The following CAMKMT variants were observed in gnomAD, a reference collection of about 807,000 sequenced individuals.
CAMKMT encodes the protein calmodulin-lysine N-methyltransferase, also known as CaM KMT.
A neutral mutation model predicts 48.0 loss-of-function variants in CAMKMT; 53 were observed. The ratio of observed to expected loss-of-function variants is 1.10; its 90% CI spans 0.89 to 1.39. The LOEUF (loss-of-function observed/expected upper bound fraction) is 1.39, where lower values mean the gene tolerates loss of function less well. CAMKMT is among the 40% of genes most tolerant of loss of function. CAMKMT has a pLI of 0.00. For synonymous variants in CAMKMT, 165 were observed against 152.3 expected, an observed-to-expected ratio of 1.08 and a Z score of -0.61; for missense variants, 428 against 402.7, an observed-to-expected ratio of 1.06 and a Z score of -0.54.
At chr2:44,707,870 C>T (rs565168764) in intron 6 of CAMKMT, among the ~76,000 whole-genome samples, 2 of 152,258 alleles carry the variant, frequency 1.3e-5, no homozygotes, top group Non-Finnish European at 2.9e-5. Context: ...CATTTATACA[C>T]TTGATATTGT....
In CAMKMT at chr2:44,458,042, C is replaced by CTTTTT. The variant is rs541348745; in HGVS notation, c.376+67757_376+67761dup. ...GCATTAGGACTTTGTAGCTTTGTGA[C>CTTTTT]TTTTTTTTTTTTTTTTTTTTTTTTG... On this transcript the variant is annotated intron_variant, in intron 3 of 10. Transcript: ENST00000378494. Among the ~76,000 whole-genome samples the CTTTTT allele has an allele frequency of 1.3e-3, 99 of 75,404 alleles. 3 individuals carry two copies. Among genetic ancestry groups the CTTTTT allele is most frequent in the African/African-American group, 5.1e-3 (92 of 17,974 alleles). 49.5% of individuals were successfully genotyped at this position (75,404 alleles called of 152,430 possible).
intron 3 of CAMKMT, among the ~76,000 whole-genome samples, chr2:44,432,481 G>A (rs966553204): frequency 1.8e-4 from 28 of 152,170 alleles, no homozygotes; most frequent in Non-Finnish European, 7.4e-5. Flanking sequence ...GAATACTGGT[G>A]GGAGAAGAAA....
At chr2:44,736,678 A>T (rs191901419) in intron 7 of CAMKMT, among the ~76,000 whole-genome samples, 1 of 151,102 alleles carries the variant, frequency 6.6e-6, no homozygotes, top group Non-Finnish European at 1.5e-5. Flanking sequence ...CCCACAGCTC[A>T]CTCTTTATTT....
At chr2:44,735,780 G>A (rs563460502) in intron 7 of CAMKMT, among the ~76,000 whole-genome samples, 10 of 151,922 alleles carry the variant, frequency 6.6e-5, no homozygotes, top group Admixed American at 1.3e-4. Flanking sequence ...AGGCGTGGTC[G>A]TTGGTGCCTG....
chr2:44,723,701 C>T (rs1294104649), intron 7 of CAMKMT: 1 of 151,928 alleles, frequency 6.6e-6, no homozygotes, highest in Non-Finnish European at 1.5e-5. Context: ...CCACTTCCAT[C>T]CACTGTATTT....
intron 3 of CAMKMT, among the ~76,000 whole-genome samples, chr2:44,569,609 C>T (rs1353955679): frequency 6.6e-6 from 1 of 152,034 alleles, no homozygotes; most frequent in East Asian, 1.9e-4. Context: ...TCTCAGTGTC[C>T]TGTCTTTCTC....
chr2:44,402,537 G>C (rs1455343986), intron 3 of CAMKMT, among the ~76,000 whole-genome samples: 1 of 151,740 alleles, frequency 6.6e-6, no homozygotes, highest in African/African-American at 2.4e-5. Context: ...TTGTGTGGCT[G>C]TATTTTCAAA....
intron 3 of CAMKMT, among the ~76,000 whole-genome samples, chr2:44,445,527 C>G (rs1324931658): frequency 6.6e-6 from 1 of 151,962 alleles, no homozygotes; most frequent in Admixed American, 6.6e-5. Flanking sequence ...TGTCTCCATA[C>G]TACGGGACAT....
At chr2:44,701,282 C>G (rs529451605) in intron 3 of CAMKMT, among the ~76,000 whole-genome samples, 1 of 152,348 alleles carries the variant, frequency 6.6e-6, no homozygotes, top group Non-Finnish European at 1.5e-5. Context: ...CACATCCTCA[C>G]CAGCCCAACA....
chr2:44,697,001 G>T (rs994192920), intron 3 of CAMKMT, among the ~76,000 whole-genome samples: 1 of 152,024 alleles, frequency 6.6e-6, no homozygotes, highest in African/African-American at 2.4e-5. Context: ...AACAATAAGA[G>T]ATGCAAAGCA....
intron 7 of CAMKMT, among the ~76,000 whole-genome samples, chr2:44,716,756 C>G (rs1406057049): frequency 6.6e-6 from 1 of 152,116 alleles, no homozygotes; most frequent in East Asian, 1.9e-4. Flanking sequence ...TTTTAGTTAT[C>G]AATCAAAAGT....
At chr2:44,377,430 C>G (rs759011471) in intron 2 of CAMKMT, among the ~76,000 whole-genome samples, 6 of 152,104 alleles carry the variant, frequency 3.9e-5, no homozygotes, top group Non-Finnish European at 7.4e-5. Context: ...ATTTCCTTTT[C>G]CCTATCTCAT....
chr2:44,535,127 G>A (rs555080127), intron 3 of CAMKMT, among the ~76,000 whole-genome samples: 61 of 151,940 alleles, frequency 4.0e-4, no homozygotes, highest in African/African-American at 1.4e-3. Context: ...AACTGTATTC[G>A]AACAAACTTT....
chr2:44,367,159 T>A (rs1306017370), intron 1 of CAMKMT, among the ~76,000 whole-genome samples: 2 of 152,226 alleles, frequency 1.3e-5, no homozygotes, highest in Non-Finnish European at 2.9e-5. Context: ...AACTGTCCTT[T>A]TAACTGTAGG....
At chr2:44,723,102 C>T (rs970584222) in intron 7 of CAMKMT, among the ~76,000 whole-genome samples, 6 of 152,106 alleles carry the variant, frequency 3.9e-5, no homozygotes, top group African/African-American at 1.4e-4. Flanking sequence ...AAACTTTGTT[C>T]TCAGAATCAT....
intron 3 of CAMKMT, among the ~76,000 whole-genome samples, chr2:44,471,197 G>A (rs1012406849): frequency 1.3e-5 from 2 of 152,006 alleles, no homozygotes; most frequent in East Asian, 1.9e-4. Flanking sequence ...CACCATGTTG[G>A]CCAGGCTGGT....
At chr2:44,474,528 G>A (rs540378441) in intron 3 of CAMKMT, among the ~76,000 whole-genome samples, 36 of 152,050 alleles carry the variant, frequency 2.4e-4, no homozygotes, top group Admixed American at 7.9e-4. Context: ...GAGATAAAGA[G>A]GGAGAGCGAA....
intron 3 of CAMKMT, among the ~76,000 whole-genome samples, chr2:44,673,692 C>T (rs918867403): frequency 6.6e-6 from 1 of 151,430 alleles, no homozygotes; most frequent in Non-Finnish European, 1.5e-5. Flanking sequence ...AATAAAGGAG[C>T]CAAGCAAAAT....
chr2:44,388,702 C>A (rs141176717), intron 2 of CAMKMT, among the ~76,000 whole-genome samples: 1 of 152,078 alleles, frequency 6.6e-6, no homozygotes, highest in Non-Finnish European at 1.5e-5. Context: ...CTGGGTGTTC[C>A]CTTGATGTAG....
Sources: gnomAD v4.1 joint callset for allele counts (sites outside exome capture counted in the v4.1 genomes callset) on GRCh38, gnomAD v4.1.1 for gene constraint, MANE v1.5 for transcripts, NCBI Gene and HGNC (gene_info 2026-07-23, HGNC 2026-07-21) for gene names.